CRPPA: variants seen among roughly 807,000 people sequenced by gnomAD.
CRPPA encodes the protein D-ribitol-5-phosphate cytidylyltransferase.
In CRPPA, 43 loss-of-function variants were observed where a neutral mutation model predicts 52.0. That is an observed-to-expected ratio of 0.83 (90% CI 0.65 to 1.07). The LOEUF is 1.07. Among genes scored for constraint, CRPPA ranks in the 50% least tolerant of loss-of-function variants. The pLI is 0.00. For missense variants in CRPPA, 629 were observed against 551.7 expected, an observed-to-expected ratio of 1.14 and a Z score of -1.40; for synonymous variants, 250 against 203.5, an observed-to-expected ratio of 1.23 and a Z score of -1.94.
intron 2 of CRPPA, among the ~76,000 whole-genome samples, chr7:16,383,776 C>T (rs1409576540): frequency 1.3e-5 from 2 of 152,220 alleles, no homozygotes; most frequent in Non-Finnish European, 2.9e-5. Flanking sequence ...AGCGAGACTC[C>T]ATGGGCGTAG....
intron 9 of CRPPA, among the ~76,000 whole-genome samples, chr7:16,194,719 T>A (rs773327262): frequency 6.6e-6 from 1 of 152,054 alleles, no homozygotes; most frequent in Non-Finnish European, 1.5e-5. Context: ...AGGGTCAAGA[T>A]GGAAGGTAAT....
At chr7:16,247,555 C>T (rs950572732) in intron 8 of CRPPA, among the ~76,000 whole-genome samples, 2 of 151,956 alleles carry the variant, frequency 1.3e-5, no homozygotes, top group African/African-American at 4.8e-5. Flanking sequence ...CATAGACTAC[C>T]CATAGCAGAT....
At chr7:16,277,579 T>C (rs935831561) in intron 6 of CRPPA, among the ~76,000 whole-genome samples, 13 of 152,138 alleles carry the variant, frequency 8.5e-5, no homozygotes, top group African/African-American at 3.1e-4. Flanking sequence ...AAATGATTAA[T>C]GGCAGTGCTT....
At chr7:16,389,931 AT>A (rs1562673883) in intron 2 of CRPPA, among the ~76,000 whole-genome samples, 43 of 95,938 alleles carry the variant, frequency 4.5e-4, no homozygotes, top group African/African-American at 1.8e-3. Context: ...AAAAAAAAAT[AT>A]ATATATATAT....
At chr7:16,275,362 C>T (rs1784178946) in intron 6 of CRPPA, among the ~76,000 whole-genome samples, 1 of 152,074 alleles carries the variant, frequency 6.6e-6, no homozygotes, top group African/African-American at 2.4e-5. Context: ...ACATTCAAAA[C>T]CAATAAACAG....
At chr7:16,257,209 A>T (rs1218955629) in intron 8 of CRPPA, among the ~76,000 whole-genome samples, 1 of 152,098 alleles carries the variant, frequency 6.6e-6, no homozygotes, top group African/African-American at 2.4e-5. Flanking sequence ...TCTGAGTTCA[A>T]AGCCTTTGTT....
chr7:16,159,259 A>C (rs1783250238), intron 9 of CRPPA, among the ~76,000 whole-genome samples: 1 of 152,202 alleles, frequency 6.6e-6, no homozygotes, highest in Admixed American at 6.5e-5. Flanking sequence ...TCTACTAAAA[A>C]TACACAAATT....
At chr7:16,370,293 G>C (rs1325300800) in intron 3 of CRPPA, among the ~76,000 whole-genome samples, 1 of 152,222 alleles carries the variant, frequency 6.6e-6, no homozygotes, top group East Asian at 1.9e-4. Flanking sequence ...CTTGTGGGGA[G>C]ATGGGGAGGG....
At chr7:16,386,123 G>C (rs1198775237) in intron 2 of CRPPA, among the ~76,000 whole-genome samples, 5 of 152,222 alleles carry the variant, frequency 3.3e-5, no homozygotes, top group African/African-American at 7.2e-5. Flanking sequence ...TTACTGAGTG[G>C]TGGAGGTGGT....
intron 9 of CRPPA, chr7:16,209,227 GA>G: frequency 3.3e-6 from 1 of 299,004 alleles, no homozygotes; most frequent in Non-Finnish European, 6.5e-6. Flanking sequence ...TTTTGAACTG[GA>G]AGGTGGTAAG....
chr7:16,208,859 G>T, intron 9 of CRPPA: 1 of 210,092 alleles, frequency 4.8e-6, no homozygotes, highest in South Asian at 6.9e-5. Context: ...TAATGACATT[G>T]GGCACTTAGA....
chr7:16,284,813 G>A (rs1429446581), intron 5 of CRPPA, among the ~76,000 whole-genome samples: 1 of 151,984 alleles, frequency 6.6e-6, no homozygotes, highest in Non-Finnish European at 1.5e-5. Flanking sequence ...AATCTTAATT[G>A]TGGATGGCAA....
At chr7:16,289,185 A>T (rs1784509539) in intron 5 of CRPPA, among the ~76,000 whole-genome samples, 1 of 152,132 alleles carries the variant, frequency 6.6e-6, no homozygotes, top group Non-Finnish European at 1.5e-5. Flanking sequence ...CAGATGAATA[A>T]TTATTAACGA....
intron 3 of CRPPA, among the ~76,000 whole-genome samples, chr7:16,365,574 CA>C (rs1207189159): frequency 1.3e-5 from 2 of 151,762 alleles, no homozygotes; most frequent in Non-Finnish European, 2.9e-5. Flanking sequence ...ACAAATTAGT[CA>C]AAAAAATGGA....
chr7:16,330,281 C>T (rs1785517876), intron 3 of CRPPA, among the ~76,000 whole-genome samples: 1 of 152,148 alleles, frequency 6.6e-6, no homozygotes, highest in Non-Finnish European at 1.5e-5. Context: ...TGAGTGGATT[C>T]CATTCTCCAG....
At chr7:16,366,359 T>C (rs1479732402) in intron 3 of CRPPA, among the ~76,000 whole-genome samples, 2 of 152,122 alleles carry the variant, frequency 1.3e-5, no homozygotes, top group African/African-American at 4.8e-5. Context: ...GCATCCTCAC[T>C]AGCAATGTAG....
chr7:16,250,034 T>A (rs960130531), intron 8 of CRPPA, among the ~76,000 whole-genome samples: 1 of 152,070 alleles, frequency 6.6e-6, no homozygotes, highest in Non-Finnish European at 1.5e-5. Flanking sequence ...GAGAAGAATA[T>A]AAAAGACCTG....
intron 5 of CRPPA, among the ~76,000 whole-genome samples, chr7:16,291,341 G>A (rs1398165328): frequency 1.3e-5 from 2 of 151,834 alleles, no homozygotes; most frequent in Non-Finnish European, 2.9e-5. Flanking sequence ...ATCAACCTAA[G>A]CATCTATCAA....
chr7:16,109,098 A>C (rs186258425), intron 9 of CRPPA, among the ~76,000 whole-genome samples: 1 of 152,064 alleles, frequency 6.6e-6, no homozygotes, highest in East Asian at 1.9e-4. Flanking sequence ...AAAAGTAAAT[A>C]TAAGAGATTA....
Sources: allele counts gnomAD v4.1 joint callset (sites outside exome capture counted in the v4.1 genomes callset), GRCh38; gene constraint gnomAD v4.1.1; transcripts MANE v1.5; gene names NCBI Gene and HGNC (gene_info 2026-07-23, HGNC 2026-07-21).